The following TGM7 variants were observed in gnomAD, a reference collection of about 807,000 sequenced individuals.
The protein encoded by TGM7 is protein-glutamine gamma-glutamyltransferase Z.
A neutral mutation model predicts 79.5 loss-of-function variants in TGM7; 74 were observed. The ratio of observed to expected loss-of-function variants is 0.93; its 90% confidence interval spans 0.77 to 1.13. TGM7 has a LOEUF of 1.13. Among genes scored for constraint, TGM7 ranks in the 50% most tolerant of loss-of-function variants. TGM7 has a pLI of 0.00. For missense variants in TGM7, 912 were observed against 905.9 expected (o/e 1.01, Z -0.09); for synonymous variants, 354 against 362.5 (o/e 0.98, Z 0.27).
chr15:43,301,485 C>A (rs902545493), intron 1 of TGM7, among the ~76,000 whole-genome samples: 37 of 151,666 alleles, frequency 2.4e-4, no homozygotes, highest in Non-Finnish European at 4.1e-4. Flanking sequence ...CAAAAATTAG[C>A]CGTGTATGGT....
chr15:43,280,082 C>G (rs1432005953), intron 9 of TGM7, 131 bp from the exon 10 acceptor site: 1 of 725,804 alleles, frequency 1.4e-6, no homozygotes, highest in Non-Finnish European at 2.3e-6. Flanking sequence ...TTGCTGGGTT[C>G]AAATCCTTGC....
In TGM7 at chr15:43,279,760, C is replaced by T. The variant is rs59550885; in HGVS notation, c.1543G>A (p.Val515Met). ...DLQLLLRIQR[V>M]PDSTHPRGPI... ...CCCCGAGGGTGGGTGCTGTCTGGCA[C>T]CCTCTGGATACGCAGCAGCAGCTGC... The change falls in exon 10 of 13, where the codon GTG becomes ATG. Residue 515 changes from valine (V) to methionine (M), a missense_variant. By Grantham distance (21) the Val-to-Met change is conservative. Transcript: ENST00000452443. The T allele has an allele frequency of 3.0e-5, 48 of 1,614,114 alleles. 2 individuals carry two copies. In the South Asian group the frequency reaches 4.8e-4, roughly 16 times the overall value.
chr15:43,294,227 C>A (rs1267419700), intron 1 of TGM7, among the ~76,000 whole-genome samples: 1 of 152,206 alleles, frequency 6.6e-6, no homozygotes, highest in Non-Finnish European at 1.5e-5. Context: ...ATTCTGGACA[C>A]TCTCTGGGTC....
chr15:43,293,511 C>T lies in TGM7; in HGVS notation c.131G>A (p.Arg44Gln), dbSNP rs201355476. The change falls in exon 2 of 13, where the codon CGG becomes CAG. Residue 44 changes from arginine (R) to glutamine (Q), a missense_variant. Coordinates refer to ENST00000452443, the MANE Select transcript of TGM7 (RefSeq NM_052955.3). ...CTGGAAGGGTCGGCTGAAGCTCAGCCGGAGGTAGAAGGGCTGGCCGCGGCG... is the reference window on the plus strand; with the variant it reads ...CTGGAAGGGTCGGCTGAAGCTCAGCTGGAGGTAGAAGGGCTGGCCGCGGCG... ...TVRRGQPFYL[R>Q]LSFSRPFQSQ... 28 of 1,611,762 alleles carry T rather than the reference C, an allele frequency of 1.7e-5. No homozygotes were observed. In the East Asian group the frequency reaches 4.9e-4, roughly 28 times the overall value.
At chr15:43,302,068 C>T in intron 1 of TGM7, 173 bp downstream of exon 1, 1 of 727,660 alleles carries the variant, frequency 1.4e-6, no homozygotes, top group Non-Finnish European at 2.4e-6. Flanking sequence ...GATTTGTGCC[C>T]CAAGGTCCAA....
At position 43,279,251 on chromosome 15, in the gene TGM7, A is replaced by G. The variant is rs1297478042; in HGVS notation, c.1705T>C (p.Tyr569His). The G allele has an allele frequency of 6.2e-7, 1 of 1,614,200 alleles. No individual in the cohort carries two copies. The highest frequency in any genetic ancestry group is 1.1e-5 in the South Asian group (1 of 91,076). Residue 569 changes from tyrosine to histidine, a missense_variant, in exon 11 of 13, where the codon TAC (tyrosine) becomes CAC (histidine). By Grantham distance (83) the Tyr-to-His change is moderately conservative (BLOSUM62 2). Transcript: ENST00000452443. ...GTTAGCTTGTTTCTGTAATTGCTGT[A>G]GGGCAGGAGGAGCGGCCACTGTGTC... ...KETQWPLLLPYSNYRNKLTDE... is the reference protein window; with the variant it reads ...KETQWPLLLPHSNYRNKLTDE...
intron 8 of TGM7, among the ~76,000 whole-genome samples, chr15:43,282,303 C>A (rs532689558): frequency 6.6e-6 from 1 of 152,336 alleles, no homozygotes; most frequent in Non-Finnish European, 1.5e-5. Context: ...CAGGTAAGGA[C>A]ACAACTGAGG....
intron 8 of TGM7, 75 bp downstream of exon 8, chr15:43,282,442 C>T: frequency 7.5e-7 from 1 of 1,330,136 alleles, no homozygotes; most frequent in South Asian, 1.3e-5. Flanking sequence ...CCTCCCTGGT[C>T]TCCTGCTCCC....
rs1309955973 is a variant in TGM7 at position 43,287,284 on chromosome 15, G to A, written c.861C>T (p.Cys287=). Residue 287 remains cysteine, a synonymous_variant, in exon 6 of 13, where the codon TGC becomes TGT. Coordinates refer to ENST00000452443, the MANE Select transcript of TGM7 (RefSeq NM_052955.3). ...AGTGAGTGATCTTTCGCTCACCGGT[G>A]CACATAACAGAGGCGAAGACCCAGC... ...GQCWVFASVM[C]TVMRCLGVPT... is the part of the protein sequence containing the mutation. 3 of 1,612,838 alleles carry A rather than the reference G, an allele frequency of 1.9e-6. No homozygotes were observed. The highest frequency in any genetic ancestry group is 1.1e-5 in the South Asian group (1 of 90,992).
At chr15:43,297,587 T>TAGAAAGAAAA (rs2043004058) in intron 1 of TGM7, among the ~76,000 whole-genome samples, 1 of 114,482 alleles carries the variant, frequency 8.7e-6, no homozygotes, top group Non-Finnish European at 1.7e-5. Context: ...TCTGCATGTA[T>TAGAAAGAAAA]AGAAAGAAAG....
chr15:43,279,746 G>A lies in TGM7; in HGVS notation c.1557C>T (p.Thr519=), dbSNP rs1299706323. 3.1e-6 allele frequency: 5 copies of A among 1,614,066 alleles called. No homozygotes were observed. The South Asian group carries it at 3.3e-5, about 11-fold the overall frequency. ...CCAGTCCGATGGGCCCCCGAGGGTG[G>A]GTGCTGTCTGGCACCCTCTGGATAC... ...LLRIQRVPDS[T]HPRGPIGLVV... is the part of the protein sequence containing the mutation. The change falls in exon 10 of 13, where the codon ACC becomes ACT. Residue 519 remains threonine, a synonymous_variant. Transcript: ENST00000452443.
At chr15:43,280,022 A>G (rs1596459441) in intron 9 of TGM7, 71 bp from the exon 10 acceptor site, 2 of 1,451,516 alleles carry the variant, frequency 1.4e-6, no homozygotes, top group East Asian at 4.6e-5. Context: ...TCCTGGGGCA[A>G]CAAGGCACAG....
At position 43,293,618 on chromosome 15, in the gene TGM7, C is replaced by T. The variant is rs181989376; in HGVS notation, c.24G>A (p.Arg8=). Residue 8 remains arginine, a synonymous_variant, in exon 2 of 13, where the codon CGG becomes CGA. Transcript: ENST00000452443. ...AGCTCTGCAGGTCGACAGACTCAAG[C>T]CGCAAGGTTGCCACTAGGGGAGAGG... is the stretch of plus-strand genomic sequence containing the variant. The part of the protein sequence containing the change: MDQVATL[R]LESVDLQSSR... 2.5e-6 allele frequency: 4 copies of T among 1,605,994 alleles called. No homozygotes were observed. The Admixed American group carries it at 5.0e-5, about 20-fold the overall frequency.
rs780733471 is a variant in TGM7 at position 43,279,727 on chromosome 15, C to T, written c.1576G>A (p.Gly526Arg). 6.8e-6 allele frequency: 11 copies of T among 1,614,018 alleles called. No homozygotes were observed. The highest frequency in any genetic ancestry group is 1.6e-4 in the Middle Eastern group (1 of 6,062). Reference protein sequence around the residue: ...PDSTHPRGPIGLVVRFCAQAL... With the variant: ...PDSTHPRGPIRLVVRFCAQAL... ...TGTGCACAGAAGCGCACCACCAGTC[C>T]GATGGGCCCCCGAGGGTGGGTGCTG... The change falls in exon 10 of 13, where the codon GGA (glycine) becomes AGA (arginine). Residue 526 changes from glycine to arginine, a missense_variant. Physicochemically the swap from Gly to Arg is moderately radical, Grantham distance 125. Coordinates refer to ENST00000452443, the MANE Select transcript of TGM7 (RefSeq NM_052955.3).
Position 43,287,471 on chromosome 15 carries a change from A to G in TGM7, c.688-14T>C, listed in dbSNP as rs1190911148. ...GTTGCTGTTGATCTGCAGAGGACAG[A>G]CAGGTGGGTTTCCACAGCTCCCGGG... On this transcript the variant is annotated splice_polypyrimidine_tract_variant and intron_variant, in intron 5 of 12. Transcript: ENST00000452443. The G allele has an allele frequency of 1.2e-6, 2 of 1,613,592 alleles. No homozygotes were observed. The highest frequency in any genetic ancestry group is 3.3e-5 in the Admixed American group (2 of 59,996).
rs1326884312 is a variant in TGM7 at position 43,276,846 on chromosome 15, C to T, written c.1973+16G>A. On this transcript the variant is annotated intron_variant, in intron 12 of 12. Coordinates refer to ENST00000452443, the MANE Select transcript of TGM7 (RefSeq NM_052955.3). ...CTGAGACCAGCAAGGGGGAGGTGGG[C>T]AGAAGCGTCACTTACTCCTTTGCTA... 9 of 1,612,088 alleles carry T rather than the reference C, an allele frequency of 5.6e-6. No individual in the cohort carries two copies. Among genetic ancestry groups the T allele is most frequent in the Admixed American group, 1.7e-5 (1 of 59,888 alleles).
At chr15:43,280,016 G>GTGCCTTGTTGCCCCA in intron 9 of TGM7, 65 bp from the exon 10 acceptor site, 1 of 1,483,724 alleles carries the variant, frequency 6.7e-7, no homozygotes, top group Non-Finnish European at 9.2e-7. Flanking sequence ...TGACTTTCCT[G>GTGCCTTGTTGCCCCA]GGGCAACAAG....
intron 8 of TGM7, 115 bp downstream of exon 8, chr15:43,282,402 C>T (rs2042913956): frequency 3.6e-5 from 34 of 932,406 alleles, no homozygotes; most frequent in East Asian, 5.3e-5. Flanking sequence ...GCTGGGACCT[C>T]GGGAAGAGGG....
intron 1 of TGM7, among the ~76,000 whole-genome samples, chr15:43,297,635 A>AAGAAAG (rs5812242): frequency 1.3e-5 from 1 of 77,536 alleles, no homozygotes; most frequent in Admixed American, 1.4e-4. Context: ...GAAAGAAAGA[A>AAGAAAG]AAAGAAAGAA....
Sources: gnomAD v4.1 joint callset for allele counts (sites outside exome capture counted in the v4.1 genomes callset) on GRCh38, gnomAD v4.1.1 for gene constraint, MANE v1.5 for transcripts, NCBI Gene and HGNC (gene_info 2026-07-23, HGNC 2026-07-21) for gene names.